Variants in CNTNAP3B observed in about 807,000 individuals in gnomAD.
CNTNAP3B encodes contactin associated protein family member 3B, also known as contactin-associated protein-like 3B.
A neutral mutation model predicts 108.9 loss-of-function variants in CNTNAP3B; 25 were observed. The observed-to-expected ratio is 0.23, with a 90% CI of 0.17 to 0.32. The LOEUF is 0.32. CNTNAP3B is among the 10% of genes least tolerant of loss of function. The probability of loss-of-function intolerance (pLI) is 1.00; values close to 1 mark genes in which losing one functional copy is unlikely to be tolerated. For missense variants in CNTNAP3B, 252 were observed against 1,210.4 expected, an observed-to-expected ratio of 0.21 and a Z score of 11.75; for synonymous variants, 103 against 473.4, an observed-to-expected ratio of 0.22 and a Z score of 10.16.
At chr9:41,965,843 A>G (rs1336620481) in intron 10 of CNTNAP3B, among the ~76,000 whole-genome samples, 11 of 150,192 alleles carry the variant, frequency 7.3e-5, no homozygotes, top group East Asian at 4.1e-4. Flanking sequence ...CTCGGGAGAG[A>G]TCCTTTGAGG....
chr9:41,917,899 A>T (rs201418962), intron 18 of CNTNAP3B, among the ~76,000 whole-genome samples: 7,366 of 138,404 alleles, frequency 0.053, no homozygotes, highest in Admixed American at 0.13. Flanking sequence ...AGCTTCCGTC[A>T]TACTGAGCTA....
intron 4 of CNTNAP3B, among the ~76,000 whole-genome samples, chr9:42,001,894 G>A (rs1281373586): frequency 1.6e-5 from 2 of 126,888 alleles, no homozygotes; most frequent in African/African-American, 3.3e-5. Flanking sequence ...TATACTGTGT[G>A]GGCTTGAATC....
In CNTNAP3B at chr9:41,991,161, C is replaced by T. The variant is rs1489870136; in HGVS notation, c.1333+449G>A. Among the ~76,000 whole-genome samples, 2 of 114,334 alleles carry T rather than the reference C, an allele frequency of 1.7e-5. 1 individual carries two copies. The highest frequency in any genetic ancestry group is 7.0e-5 in the African/African-American group (2 of 28,484). The allele number at this position is 114,334 out of a possible 152,430, so 75.0% of individuals were successfully genotyped here. On this transcript the variant is annotated intron_variant, in intron 8 of 23. Transcript: ENST00000377561. ...ATAAGAACTCTTGGTATTTGCCGGGCATCTTTCCCTGTAAAGTGATAGTTA... is the reference window on the plus strand; with the variant it reads ...ATAAGAACTCTTGGTATTTGCCGGGTATCTTTCCCTGTAAAGTGATAGTTA...
At position 42,095,409 on chromosome 9, in the gene CNTNAP3B, G is replaced by T. The variant is rs549273902; in HGVS notation, c.196+9220C>A. ...GTACTTGGCTCTAGTAAGTACAAGC[G>T]TGGGGAAAATGTAAAACTCTTTTGG... On this transcript the variant is annotated intron_variant, in intron 2 of 23. Coordinates refer to ENST00000377561, the MANE Select transcript of CNTNAP3B (RefSeq NM_001201380.3). Among the ~76,000 whole-genome samples, 3 of 139,024 alleles carry T rather than the reference G, an allele frequency of 2.2e-5. 1 individual carries two copies. Among genetic ancestry groups the T allele is most frequent in the African/African-American group, 8.6e-5 (3 of 34,746 alleles). 91.2% of individuals were successfully genotyped at this position (139,024 alleles called of 152,430 possible).
chr9:41,925,726 C>T (rs1171545875), intron 15 of CNTNAP3B, among the ~76,000 whole-genome samples: 4 of 152,292 alleles, frequency 2.6e-5, no homozygotes, highest in Non-Finnish European at 5.9e-5. Context: ...TACTCTATAA[C>T]TTATTTTGAT....
intron 2 of CNTNAP3B, among the ~76,000 whole-genome samples, chr9:42,084,073 A>C (rs1466087066): frequency 2.7e-5 from 4 of 148,792 alleles, no homozygotes; most frequent in African/African-American, 5.1e-5. Flanking sequence ...AAATATCAGA[A>C]AGAGCCCTAA....
chr9:41,950,374 G>A (rs1173713352), intron 13 of CNTNAP3B, among the ~76,000 whole-genome samples: 2 of 141,236 alleles, frequency 1.4e-5, no homozygotes, highest in Non-Finnish European at 3.1e-5. Flanking sequence ...CCCACCTATT[G>A]CCCTTTGGGG....
In CNTNAP3B at chr9:42,094,348, A is replaced by T. The variant is rs1371339853; in HGVS notation, c.196+10281T>A. Among the ~76,000 whole-genome samples, 12 of 121,034 alleles carry T rather than the reference A, an allele frequency of 9.9e-5. 3 individuals carry two copies. The highest frequency in any genetic ancestry group is 1.8e-4 in the Non-Finnish European group (11 of 60,132). 79.4% of individuals were successfully genotyped at this position (121,034 alleles called of 152,430 possible). On this transcript the variant is annotated intron_variant, in intron 2 of 23. Transcript: ENST00000377561. ...TTTACATTTGTAAAGCGTTGCATTT[A>T]AAAAAAAAAAACAAAGAGGGCGGGG... is the stretch of plus-strand genomic sequence containing the variant.
In CNTNAP3B at chr9:42,093,089, G is replaced by A. The variant is rs1827835403; in HGVS notation, c.196+11540C>T. On this transcript the variant is annotated intron_variant, in intron 2 of 23. Transcript: ENST00000377561. ...TTGCCGGGCGCGGTGGCTCACACCTGTAATCCCAGCACTTTGGGAGGCCAA... is the reference window on the plus strand; with the variant it reads ...TTGCCGGGCGCGGTGGCTCACACCTATAATCCCAGCACTTTGGGAGGCCAA... Among the ~76,000 whole-genome samples, 4 of 97,556 alleles carry A rather than the reference G, an allele frequency of 4.1e-5. 2 individuals carry two copies. The highest frequency in any genetic ancestry group is 1.5e-4 in the African/African-American group (4 of 26,186). 64.0% of individuals were successfully genotyped at this position (97,556 alleles called of 152,430 possible). A position where few individuals can be genotyped will look rare whatever the true frequency, so the allele number is the denominator to read the frequency against.
intron 12 of CNTNAP3B, among the ~76,000 whole-genome samples, chr9:41,954,687 A>T (rs1211738574): frequency 6.6e-6 from 1 of 152,206 alleles, no homozygotes; most frequent in Non-Finnish European, 1.5e-5. Context: ...TTTTTATTTA[A>T]CTTATTTATT....
intron 1 of CNTNAP3B, among the ~76,000 whole-genome samples, chr9:42,111,875 C>A (rs1828199037): frequency 7.2e-6 from 1 of 138,542 alleles, no homozygotes; most frequent in African/African-American, 2.9e-5. Flanking sequence ...TTGACTGTCC[C>A]CAGCCACACA....
At chr9:41,932,664 C>A (rs1428891218) in intron 14 of CNTNAP3B, among the ~76,000 whole-genome samples, 1 of 152,162 alleles carries the variant, frequency 6.6e-6, no homozygotes, top group Non-Finnish European at 1.5e-5. Flanking sequence ...GGATTACATG[C>A]GTGCGCCACT....
rs752901003 is a variant in CNTNAP3B at position 42,030,792 on chromosome 9, CGAGA to C, written c.391-17271_391-17268del. Reference sequence around the variant, plus strand: ...AGAGAGAGAGAGAGAGAGATGTGTGCGAGAGAGAGAGAGAGAGAGAGGAGAGAGA... The same window carrying C: ...AGAGAGAGAGAGAGAGAGATGTGTGCGAGAGAGAGAGAGAGAGGAGAGAGA... On this transcript the variant is annotated intron_variant, in intron 3 of 23. Transcript: ENST00000377561. Among the ~76,000 whole-genome samples, 9 of 42,010 alleles carry C rather than the reference CGAGA, an allele frequency of 2.1e-4. 1 individual carries two copies. Among genetic ancestry groups the C allele is most frequent in the African/African-American group, 3.6e-4 (4 of 11,250 alleles). The allele number at this position is 42,010 out of a possible 152,430, so 27.6% of individuals were successfully genotyped here. A position where few individuals can be genotyped will look rare whatever the true frequency, so the allele number is the denominator to read the frequency against.
intron 13 of CNTNAP3B, among the ~76,000 whole-genome samples, chr9:41,949,847 G>T (rs1207468903): frequency 6.6e-6 from 1 of 151,842 alleles, no homozygotes; most frequent in Non-Finnish European, 1.5e-5. Context: ...GACACGATGT[G>T]TACAACCCAT....
In CNTNAP3B at chr9:41,929,744, AT is replaced by A. The variant is rs559489047; in HGVS notation, c.2238-301del. ...CAGGCATGGCTGGGTTGCAATAAAAATTTTTGGATATGAAATCTGAATTTCA... is the reference window on the plus strand; with the variant it reads ...CAGGCATGGCTGGGTTGCAATAAAAATTTTGGATATGAAATCTGAATTTCA... On this transcript the variant is annotated intron_variant, in intron 14 of 23. Coordinates refer to ENST00000377561, the MANE Select transcript of CNTNAP3B (RefSeq NM_001201380.3). Among the ~76,000 whole-genome samples the A allele has an allele frequency of 8.0e-3, 1,056 of 131,938 alleles. 51 individuals carry two copies. The highest frequency in any genetic ancestry group is 0.031 in the African/African-American group (1,016 of 32,938). 86.6% of individuals were successfully genotyped at this position (131,938 alleles called of 152,430 possible). A position where few individuals can be genotyped will look rare whatever the true frequency, so the allele number is the denominator to read the frequency against.
chr9:42,120,902 C>T (rs71510101), intron 1 of CNTNAP3B, among the ~76,000 whole-genome samples: 32,121 of 135,304 alleles, frequency 0.24, 7,595 homozygotes, highest in East Asian at 0.65. Flanking sequence ...AGCACACCAA[C>T]ATGGCACATG....
intron 13 of CNTNAP3B, among the ~76,000 whole-genome samples, chr9:41,939,015 G>A (rs1450981379): frequency 1.3e-5 from 2 of 152,236 alleles, no homozygotes; most frequent in African/African-American, 4.8e-5. Context: ...AGTGCCCTGG[G>A]TCAACTACAG....
intron 10 of CNTNAP3B, among the ~76,000 whole-genome samples, chr9:41,966,359 G>C (rs1825274491): frequency 6.6e-6 from 1 of 152,304 alleles, no homozygotes; most frequent in Admixed American, 6.5e-5. Flanking sequence ...GTGATCTAGA[G>C]ACTATCAACA....
intron 18 of CNTNAP3B, among the ~76,000 whole-genome samples, chr9:41,913,549 A>G (rs1222909532): frequency 1.4e-5 from 2 of 142,584 alleles, no homozygotes; most frequent in East Asian, 4.0e-4. Flanking sequence ...CCACTTAACC[A>G]TTTAAAATAT....
Sources: allele counts gnomAD v4.1 joint callset (sites outside exome capture counted in the v4.1 genomes callset), GRCh38; gene constraint gnomAD v4.1.1; transcripts MANE v1.5; gene names NCBI Gene and HGNC (gene_info 2026-07-23, HGNC 2026-07-21).